The following PCSK2 variants were observed in gnomAD, a reference collection of about 807,000 sequenced individuals.
The protein encoded by PCSK2 is proprotein convertase subtilisin/kexin type 2.
In PCSK2, 14 loss-of-function variants were observed where a neutral mutation model predicts 69.7. The observed-to-expected ratio is 0.20, with a 90% confidence interval of 0.13 to 0.31. The LOEUF (loss-of-function observed/expected upper bound fraction) is 0.31. PCSK2 is among the 10% of genes least tolerant of loss of function. The pLI is 1.00. For missense variants in PCSK2, 544 were observed against 842.5 expected, an observed-to-expected ratio of 0.65 and a Z score of 4.39; for synonymous variants, 307 against 320.7, an observed-to-expected ratio of 0.96 and a Z score of 0.46.
At chr20:17,373,417 A>ACCT (rs2030832667) in intron 5 of PCSK2, among the ~76,000 whole-genome samples, 1 of 151,892 alleles carries the variant, frequency 6.6e-6, no homozygotes, top group South Asian at 2.1e-4. Context: ...AGATGTTCCT[A>ACCT]CCTCCCCACA....
chr20:17,425,811 T>C (rs542126737), intron 6 of PCSK2, among the ~76,000 whole-genome samples: 2 of 152,244 alleles, frequency 1.3e-5, no homozygotes, highest in Admixed American at 6.5e-5. Flanking sequence ...ATCAAACTAC[T>C]TGAGGGGAAA....
At chr20:17,456,617 G>C (rs754117707) in intron 10 of PCSK2, among the ~76,000 whole-genome samples, 169 bp downstream of exon 10, 6 of 152,156 alleles carry the variant, frequency 3.9e-5, no homozygotes, top group Non-Finnish European at 7.4e-5. Context: ...GTGCCCACCA[G>C]CACACGTGCG....
At chr20:17,238,199 G>A (rs1986415878) in intron 1 of PCSK2, among the ~76,000 whole-genome samples, 1 of 152,132 alleles carries the variant, frequency 6.6e-6, no homozygotes, top group Non-Finnish European at 1.5e-5. Flanking sequence ...CCTTCAAGAG[G>A]TATAGTGGTT....
At chr20:17,256,794 C>T (rs1987193286) in intron 1 of PCSK2, among the ~76,000 whole-genome samples, 1 of 152,028 alleles carries the variant, frequency 6.6e-6, no homozygotes, top group Admixed American at 6.6e-5. Context: ...CCCACAGGCC[C>T]CAGTGTGTGA....
At chr20:17,464,039 C>T (rs1165979126) in intron 10 of PCSK2, 2 of 152,174 alleles carry the variant, frequency 1.3e-5, no homozygotes, top group Non-Finnish European at 2.9e-5. Flanking sequence ...GTGCATACTG[C>T]TTTTCTATTC....
intron 5 of PCSK2, among the ~76,000 whole-genome samples, chr20:17,403,095 A>C (rs1470179404): frequency 6.6e-6 from 1 of 152,252 alleles, no homozygotes; most frequent in East Asian, 1.9e-4. Flanking sequence ...AGTTGCTAGA[A>C]TTTCCAAAAG....
At chr20:17,255,093 G>A (rs1987126219) in intron 1 of PCSK2, among the ~76,000 whole-genome samples, 1 of 152,268 alleles carries the variant, frequency 6.6e-6, no homozygotes, top group South Asian at 2.1e-4. Context: ...CTATGTACAA[G>A]ATATGTCTTC....
chr20:17,479,738 A>G (rs1179256537), intron 11 of PCSK2, among the ~76,000 whole-genome samples: 1 of 142,696 alleles, frequency 7.0e-6, no homozygotes, highest in South Asian at 2.3e-4. Context: ...CGGAGCTTGC[A>G]GTGAGCCGAG....
intron 2 of PCSK2, among the ~76,000 whole-genome samples, chr20:17,323,108 G>A (rs6044734): frequency 0.13 from 19,455 of 152,060 alleles, 1,960 homozygotes; most frequent in East Asian, 0.55. Context: ...TAGGTGATCC[G>A]CCCACCTCAG....
chr20:17,248,852 G>T (rs562006821), intron 1 of PCSK2, among the ~76,000 whole-genome samples: 54 of 152,230 alleles, frequency 3.5e-4, no homozygotes, highest in Admixed American at 9.2e-4. Flanking sequence ...CCTAGTCATG[G>T]TTACAAAGGG....
intron 9 of PCSK2, among the ~76,000 whole-genome samples, chr20:17,455,542 G>A (rs1373339936): frequency 6.6e-6 from 1 of 152,158 alleles, no homozygotes; most frequent in Non-Finnish European, 1.5e-5. Context: ...TTAATAGCCT[G>A]CCCTTCTAGA....
At chr20:17,471,966 A>G (rs2033209615) in intron 11 of PCSK2, among the ~76,000 whole-genome samples, 1 of 152,238 alleles carries the variant, frequency 6.6e-6, no homozygotes, top group South Asian at 2.1e-4. Flanking sequence ...TTTCCTTGGC[A>G]TTAATCTTCC....
chr20:17,430,153 C>T (rs895621656), intron 7 of PCSK2, among the ~76,000 whole-genome samples: 1 of 151,930 alleles, frequency 6.6e-6, no homozygotes, highest in Non-Finnish European at 1.5e-5. Context: ...ATTGATGGAG[C>T]CTTTAGAAAT....
intron 1 of PCSK2, among the ~76,000 whole-genome samples, chr20:17,234,941 G>A (rs115699207): frequency 5.3e-5 from 8 of 152,182 alleles, no homozygotes; most frequent in East Asian, 1.9e-4. Context: ...AAATAATCAC[G>A]GGACAGCTCA....
At chr20:17,290,974 A>G (rs1988676226) in intron 2 of PCSK2, among the ~76,000 whole-genome samples, 1 of 152,062 alleles carries the variant, frequency 6.6e-6, no homozygotes, top group Non-Finnish European at 1.5e-5. Flanking sequence ...GCATTTATCT[A>G]TTCATGAAGG....
intron 1 of PCSK2, among the ~76,000 whole-genome samples, chr20:17,242,495 A>G (rs1174822835): frequency 1.3e-5 from 2 of 152,240 alleles, no homozygotes; most frequent in Non-Finnish European, 2.9e-5. Flanking sequence ...ATAGTTCTAT[A>G]GTTCTATAGT....
At chr20:17,419,476 G>C (rs1453088786) in intron 6 of PCSK2, among the ~76,000 whole-genome samples, 1 of 152,170 alleles carries the variant, frequency 6.6e-6, no homozygotes, top group Non-Finnish European at 1.5e-5. Context: ...ATTGTAAAAA[G>C]GTAGAAAATA....
chr20:17,260,166 C>T (rs1317993230), intron 1 of PCSK2, 74 bp from the exon 2 acceptor site: 2 of 904,652 alleles, frequency 2.2e-6, no homozygotes, highest in African/African-American at 1.6e-5. Flanking sequence ...TGCAAGCAGC[C>T]CCAGCTTTGG....
At chr20:17,396,530 C>T (rs918119504) in intron 5 of PCSK2, among the ~76,000 whole-genome samples, 1 of 152,218 alleles carries the variant, frequency 6.6e-6, no homozygotes, top group East Asian at 1.9e-4. Flanking sequence ...TCCACATCAT[C>T]CTCTCATGAC....
Sources: gnomAD v4.1 joint callset for allele counts (sites outside exome capture counted in the v4.1 genomes callset) on GRCh38, gnomAD v4.1.1 for gene constraint, MANE v1.5 for transcripts, NCBI Gene and HGNC (gene_info 2026-07-23, HGNC 2026-07-21) for gene names.